Variants in RPS6KA2 observed in about 807,000 individuals in gnomAD.
RPS6KA2 encodes ribosomal protein S6 kinase alpha-2.
In RPS6KA2, 42 loss-of-function variants were observed where a neutral mutation model predicts 91.8. The observed-to-expected ratio is 0.46, with a 90% CI of 0.36 to 0.59. The LOEUF (loss-of-function observed/expected upper bound fraction) is 0.59, where lower values mean the gene tolerates loss of function less well. RPS6KA2 is among the 20% of genes least tolerant of loss of function. The pLI is 0.00. For synonymous variants in RPS6KA2, 414 were observed against 393.6 expected, an observed-to-expected ratio of 1.05 and a Z score of -0.61; for missense variants, 798 against 978.5, an observed-to-expected ratio of 0.82 and a Z score of 2.46.
chr6:166,669,962 A>C (rs1788425106), intron 2 of RPS6KA2, among the ~76,000 whole-genome samples: 1 of 152,216 alleles, frequency 6.6e-6, no homozygotes, highest in Non-Finnish European at 1.5e-5. Flanking sequence ...AGGGGCAACC[A>C]CTGTGGGTTG....
At chr6:166,524,428 C>T (rs1278134848) in intron 3 of RPS6KA2, among the ~76,000 whole-genome samples, 1 of 152,068 alleles carries the variant, frequency 6.6e-6, no homozygotes, top group East Asian at 1.9e-4. Flanking sequence ...TGCAGAAGGG[C>T]GCACCTGTGT....
At position 166,558,188 on chromosome 6, in the gene RPS6KA2, A is replaced by G. The variant is rs528808585; in HGVS notation, c.100-19404T>C. Among the ~76,000 whole-genome samples, 260 of 152,232 alleles carry G rather than the reference A, an allele frequency of 1.7e-3. 1 individual carries two copies. Among genetic ancestry groups the G allele is most frequent in the African/African-American group, 6.0e-3 (249 of 41,536 alleles). On this transcript the variant is annotated intron_variant, in intron 1 of 20. Transcript: ENST00000265678. ...AGAGAGAGAATGAATCAGCCCCCACACATATAGAAGCTGACGAGTCCCAAG... is the reference window on the plus strand; with the variant it reads ...AGAGAGAGAATGAATCAGCCCCCACGCATATAGAAGCTGACGAGTCCCAAG...
chr6:166,703,988 G>A (rs1789607543), intron 2 of RPS6KA2, among the ~76,000 whole-genome samples: 1 of 152,174 alleles, frequency 6.6e-6, no homozygotes. Flanking sequence ...GTCTTCAGAA[G>A]AGCTTAAATA....
chr6:166,508,798 A>G lies in RPS6KA2; in HGVS notation c.380-516T>C, dbSNP rs750772405. ...GATAGGTCAGCCCAGTTATTTGAAC[A>G]TCAACAATGGGGCTCACGTCCTAGG... On this transcript the variant is annotated intron_variant, in intron 4 of 20. Coordinates refer to ENST00000265678, the MANE Select transcript of RPS6KA2 (RefSeq NM_021135.6). This position sits in a 1 kb window ranked among gnomAD's most constrained non-coding sequence, Gnocchi z 4.3. Among the ~76,000 whole-genome samples, 18 of 152,164 alleles carry G rather than the reference A, an allele frequency of 1.2e-4. No individual in the cohort carries two copies. Among genetic ancestry groups the G allele is most frequent in the Non-Finnish European group, 1.9e-4 (13 of 68,032 alleles).
chr6:166,667,988 G>A (rs1271298238), intron 2 of RPS6KA2, among the ~76,000 whole-genome samples: 1 of 152,212 alleles, frequency 6.6e-6, no homozygotes, highest in African/African-American at 2.4e-5. Context: ...CCCGCACACA[G>A]CGGGAGCTCA....
exon 1 of RPS6KA2, chr6:166,862,380 G>A (rs1235590395): frequency 2.1e-6 from 3 of 1,405,292 alleles, no homozygotes; most frequent in East Asian, 2.7e-5. Context: ...GGACCCGGGG[G>A]GCTGCAATAT....
intron 2 of RPS6KA2, among the ~76,000 whole-genome samples, chr6:166,787,720 T>C (rs9457213): frequency 0.35 from 52,824 of 151,818 alleles, 9,902 homozygotes; most frequent in African/African-American, 0.47. Flanking sequence ...CCATAAAAAC[T>C]CTAGAAGAAA....
intron 19 of RPS6KA2, among the ~76,000 whole-genome samples, chr6:166,416,358 AC>A (rs1455169705): frequency 6.9e-6 from 1 of 144,904 alleles, no homozygotes; most frequent in Non-Finnish European, 1.5e-5. Context: ...CATTATCTTC[AC>A]CATCACCTCC....
intron 2 of RPS6KA2, among the ~76,000 whole-genome samples, chr6:166,832,310 G>A (rs137918566): frequency 2.1e-4 from 32 of 152,244 alleles, no homozygotes; most frequent in Middle Eastern, 3.4e-3. Flanking sequence ...GAGGAAGTTG[G>A]GGGGGAAGCT....
intron 12 of RPS6KA2, among the ~76,000 whole-genome samples, chr6:166,454,052 G>A (rs1054872260): frequency 5.3e-5 from 8 of 152,162 alleles, no homozygotes; most frequent in African/African-American, 1.9e-4. Context: ...GAATGGAGAC[G>A]TGGAAGGGTG....
At chr6:166,453,899 G>A (rs1048845889) in intron 12 of RPS6KA2, among the ~76,000 whole-genome samples, 1 of 152,184 alleles carries the variant, frequency 6.6e-6, no homozygotes, top group Non-Finnish European at 1.5e-5. Flanking sequence ...GTCTTTTGCA[G>A]CAACATGGAT....
At position 166,648,970 on chromosome 6, in the gene RPS6KA2, C is replaced by G. The variant is rs1003880267; in HGVS notation, c.124-110186G>C. Among the ~76,000 whole-genome samples, 10 of 152,304 alleles carry G rather than the reference C, an allele frequency of 6.6e-5. No individual in the cohort carries two copies. Among genetic ancestry groups the G allele is most frequent in the African/African-American group, 2.4e-4 (10 of 41,560 alleles). On this transcript the variant is annotated intron_variant, in intron 2 of 21. Transcript: ENST00000503859. This position sits in a 1 kb window ranked among gnomAD's most constrained non-coding sequence, Gnocchi z 4.8. ...ACCTCATGCCAGCCCTACTAATGGG[C>G]TCCTTCCTTCGCCCCTCCTCCAGTC...
At chr6:166,624,868 T>A (rs903463493) in intron 1 of RPS6KA2, among the ~76,000 whole-genome samples, 22 of 151,876 alleles carry the variant, frequency 1.4e-4, no homozygotes, top group Admixed American at 1.4e-3. Context: ...CAAGTCTCGC[T>A]CTCTCGCCAG....
At chr6:166,862,248 G>A (rs1781063527) in exon 1 of RPS6KA2, 1 of 1,606,678 alleles carries the variant, frequency 6.2e-7, no homozygotes, top group Non-Finnish European at 8.5e-7. Context: ...CGGCACAGGG[G>A]GACGGCCAGA....
At chr6:166,597,257 C>A (rs1329124167) in intron 1 of RPS6KA2, among the ~76,000 whole-genome samples, 1 of 152,206 alleles carries the variant, frequency 6.6e-6, no homozygotes, top group African/African-American at 2.4e-5. Context: ...TGGCGAGGCA[C>A]CCCGTGAGGC....
Position 166,459,590 on chromosome 6 carries a change from G to A in RPS6KA2, c.973-39C>T, listed in dbSNP as rs766066832. 6 of 1,455,964 alleles carry A rather than the reference G, an allele frequency of 4.1e-6. No individual in the cohort carries two copies. The Admixed American group carries it at 5.2e-5, about 13-fold the overall frequency. 90.2% of individuals were successfully genotyped at this position (1,455,964 alleles called of 1,614,324 possible). On this transcript the variant is annotated intron_variant, in intron 11 of 20. Transcript: ENST00000265678. The surrounding 1 kb of genome is among the most constrained non-coding windows in gnomAD (Gnocchi z 4.9). Reference sequence around the variant, plus strand: ...GAAAGCAAGACAGGGCACTGAGGATGCACAGACATTGCCACAGAACACTGG... The same window carrying A: ...GAAAGCAAGACAGGGCACTGAGGATACACAGACATTGCCACAGAACACTGG...
At chr6:166,715,648 T>C (rs1252369195) in intron 2 of RPS6KA2, among the ~76,000 whole-genome samples, 2 of 152,304 alleles carry the variant, frequency 1.3e-5, no homozygotes. Context: ...ACCGAGGCTA[T>C]CTGGTGTAGC....
intron 2 of RPS6KA2, among the ~76,000 whole-genome samples, chr6:166,641,952 C>A (rs944710224): frequency 2.0e-5 from 3 of 151,020 alleles, no homozygotes; most frequent in African/African-American, 7.3e-5. Context: ...ACAGAAGAAA[C>A]AAAGAAAAAC....
chr6:166,637,813 G>A (rs1334159582), intron 2 of RPS6KA2, among the ~76,000 whole-genome samples: 2 of 152,244 alleles, frequency 1.3e-5, no homozygotes, highest in Non-Finnish European at 2.9e-5. Context: ...GTTCAGATTT[G>A]CAGCATAAGA....
Sources: gnomAD v4.1 joint callset for allele counts (sites outside exome capture counted in the v4.1 genomes callset) on GRCh38, gnomAD v4.1.1 for gene constraint, Gnocchi (gnomAD v3.1) non-coding constraint, MANE v1.5 for transcripts, NCBI Gene and HGNC (gene_info 2026-07-23, HGNC 2026-07-21) for gene names.